Variants in AUTS2 observed in about 807,000 individuals in gnomAD.
AUTS2 encodes autism susceptibility gene 2 protein.
Under a neutral mutation model 112.4 loss-of-function variants are expected in AUTS2, and 17 were observed. The observed-to-expected ratio is 0.15, with a 90% CI of 0.10 to 0.23. The LOEUF is 0.23. Among genes scored for constraint, AUTS2 ranks in the 10% least tolerant of loss-of-function variants. The pLI is 1.00. For missense variants in AUTS2, 1,510 were observed against 1,701.6 expected (o/e 0.89, Z 1.98); for synonymous variants, 751 against 702.7 (o/e 1.07, Z -1.09).
chr7:69,608,252 A>T (rs974050224), intron 1 of AUTS2, among the ~76,000 whole-genome samples: 3 of 152,178 alleles, frequency 2.0e-5, no homozygotes, highest in Non-Finnish European at 2.9e-5. Flanking sequence ...GATATTTTCA[A>T]ACTGTGGCTA....
intron 11 of AUTS2, among the ~76,000 whole-genome samples, chr7:70,771,925 T>C (rs1232240054): frequency 6.6e-6 from 1 of 152,246 alleles, no homozygotes; most frequent in Non-Finnish European, 1.5e-5. Context: ...ATTTTTTTAC[T>C]ACCAATATCG....
intron 3 of AUTS2, among the ~76,000 whole-genome samples, chr7:70,129,783 G>C (rs1251712710): frequency 6.6e-6 from 1 of 152,162 alleles, no homozygotes; most frequent in Non-Finnish European, 1.5e-5. Context: ...AATAATTGGT[G>C]TTGGAAGTGA....
intron 2 of AUTS2, among the ~76,000 whole-genome samples, chr7:69,997,369 T>C (rs1362903879): frequency 6.6e-6 from 1 of 152,202 alleles, no homozygotes; most frequent in Non-Finnish European, 1.5e-5. Flanking sequence ...CACATTGGTT[T>C]TGGCATGAAA....
chr7:69,711,092 A>G (rs1275114557), intron 1 of AUTS2, among the ~76,000 whole-genome samples: 1 of 152,146 alleles, frequency 6.6e-6, no homozygotes, highest in Non-Finnish European at 1.5e-5. Flanking sequence ...TGCGTCACTT[A>G]GTGGGCAGAT....
chr7:69,737,486 C>T (rs563320690), intron 1 of AUTS2, among the ~76,000 whole-genome samples: 1 of 152,238 alleles, frequency 6.6e-6, no homozygotes, highest in African/African-American at 2.4e-5. Flanking sequence ...CTTGGGCTAG[C>T]ATTTTTGCCT....
intron 4 of AUTS2, among the ~76,000 whole-genome samples, chr7:70,270,650 C>A (rs1584955400): frequency 6.6e-6 from 1 of 152,204 alleles, no homozygotes; most frequent in Admixed American, 6.5e-5. Context: ...GGAAGAATAT[C>A]TTGGAGAGGG....
At chr7:69,720,553 C>T (rs926987327) in intron 1 of AUTS2, among the ~76,000 whole-genome samples, 2 of 152,198 alleles carry the variant, frequency 1.3e-5, no homozygotes, top group African/African-American at 4.8e-5. Context: ...TTTATAACCA[C>T]AGTCATGCCC....
intron 4 of AUTS2, chr7:70,291,415 G>A (rs1384668055): frequency 2.0e-5 from 3 of 152,170 alleles, no homozygotes; most frequent in Admixed American, 2.0e-4. Flanking sequence ...TCACGAAGTT[G>A]CACAGAGGTT....
At chr7:70,554,212 G>T (rs13237311) in intron 5 of AUTS2, among the ~76,000 whole-genome samples, 33,494 of 150,914 alleles carry the variant, frequency 0.22, 3,994 homozygotes, top group Non-Finnish European at 0.24. Context: ...GGGATTACAG[G>T]CGTGTACCAC....
At chr7:70,056,650 G>A (rs1012655625) in intron 2 of AUTS2, among the ~76,000 whole-genome samples, 1 of 152,158 alleles carries the variant, frequency 6.6e-6, no homozygotes, top group African/African-American at 2.4e-5. Context: ...ACCAGGTAGA[G>A]TTTCTACAAC....
At chr7:70,209,830 TC>T (rs1442573487) in intron 4 of AUTS2, among the ~76,000 whole-genome samples, 1 of 152,186 alleles carries the variant, frequency 6.6e-6, no homozygotes, top group African/African-American at 2.4e-5. Flanking sequence ...AGTTGGTCTC[TC>T]CAGTCTGTTT....
intron 4 of AUTS2, among the ~76,000 whole-genome samples, chr7:70,151,107 T>G (rs1807410117): frequency 6.6e-6 from 1 of 152,136 alleles, no homozygotes; most frequent in South Asian, 2.1e-4. Context: ...TAGGAGAAGA[T>G]ACTGAGAGTC....
At chr7:70,575,886 G>T (rs1361378263) in intron 5 of AUTS2, among the ~76,000 whole-genome samples, 2 of 152,128 alleles carry the variant, frequency 1.3e-5, no homozygotes, top group Non-Finnish European at 2.9e-5. Flanking sequence ...TTAAGGGTCT[G>T]GTTTGTTGAT....
chr7:70,724,443 C>CTTTTTTTTGTT (rs1786891181), intron 6 of AUTS2, among the ~76,000 whole-genome samples: 1 of 101,386 alleles, frequency 9.9e-6, no homozygotes, highest in Non-Finnish European at 1.9e-5. Flanking sequence ...TTCATCCTGA[C>CTTTTTTTTGTT]TTTTTTTTTT....
chr7:70,450,882 G>C (rs923189473), intron 5 of AUTS2, among the ~76,000 whole-genome samples: 2 of 152,152 alleles, frequency 1.3e-5, no homozygotes, highest in Non-Finnish European at 2.9e-5. Context: ...AATCGTGGAT[G>C]ACTCAGGTTT....
intron 6 of AUTS2, among the ~76,000 whole-genome samples, chr7:70,762,559 T>C (rs1047855080): frequency 1.3e-5 from 2 of 152,150 alleles, no homozygotes; most frequent in African/African-American, 4.8e-5. Flanking sequence ...TGAGCCCCTA[T>C]GCCTGGCGCT....
rs376502423 is a variant in AUTS2 at position 69,698,154 on chromosome 7, T to C, written c.309+98192T>C. ...TCCAGTGGTGATCTGATATGGAGTG[T>C]CTTGGCCATTAATAATGGTCCCATA... On this transcript the variant is annotated intron_variant, in intron 1 of 18. Transcript: ENST00000342771. Among the ~76,000 whole-genome samples, 3 of 152,210 alleles carry C rather than the reference T, an allele frequency of 2.0e-5. No homozygotes were observed. The East Asian group carries it at 5.8e-4, about 29-fold the overall frequency.
chr7:70,354,985 TGTGTGTGTGTATGG>T (rs1562903299), intron 4 of AUTS2, among the ~76,000 whole-genome samples: 2 of 150,388 alleles, frequency 1.3e-5, no homozygotes, highest in Non-Finnish European at 3.0e-5. Context: ...TATGTATGGG[TGTGTGTGTGTATGG>T]GTGTGTGTGT....
intron 1 of AUTS2, among the ~76,000 whole-genome samples, chr7:69,613,064 A>G (rs1793134252): frequency 6.6e-6 from 1 of 152,234 alleles, no homozygotes; most frequent in African/African-American, 2.4e-5. Flanking sequence ...TCTCTGTTTG[A>G]TAGTTGAAGA....
Sources: allele counts gnomAD v4.1 joint callset (sites outside exome capture counted in the v4.1 genomes callset), GRCh38; gene constraint gnomAD v4.1.1; transcripts MANE v1.5; gene names NCBI Gene and HGNC (gene_info 2026-07-23, HGNC 2026-07-21).